Variants in COL5A1 observed in about 807,000 individuals in gnomAD.
The protein encoded by COL5A1 is collagen type V alpha 1 chain.
Under a neutral mutation model 263.7 loss-of-function variants are expected in COL5A1, and 16 were observed. The observed-to-expected ratio is 0.06, with a 90% CI of 0.04 to 0.09. The LOEUF (loss-of-function observed/expected upper bound fraction) is 0.09. COL5A1 is among the 10% of genes least tolerant of loss of function. The pLI is 1.00. For missense variants in COL5A1, 2,036 were observed against 2,540.5 expected (o/e 0.80, Z 4.27); for synonymous variants, 1,012 against 1,004.5 (o/e 1.01, Z -0.14).
chr9:134,671,468 C>T (rs1004580331), intron 1 of COL5A1, among the ~76,000 whole-genome samples: 12 of 152,286 alleles, frequency 7.9e-5, no homozygotes, highest in African/African-American at 2.4e-4. Context: ...TGCCTCTGGT[C>T]CCGGGGAAGT....
Position 134,663,926 on chromosome 9 carries a change from C to T in COL5A1, c.109+21630C>T, listed in dbSNP as rs7872779. ...GGCGGGTCACCAGAGCTGCCACCACCGGAGGGTGCTAGAGGCCTTCTTGGG... is the reference window on the plus strand; with the variant it reads ...GGCGGGTCACCAGAGCTGCCACCACTGGAGGGTGCTAGAGGCCTTCTTGGG... On this transcript the variant is annotated intron_variant, in intron 1 of 65. Transcript: ENST00000371817. 4.6e-3 allele frequency among the ~76,000 whole-genome samples: 703 copies of T among 152,296 alleles called. 4 individuals are homozygous for T. The highest frequency in any genetic ancestry group is 0.015 in the African/African-American group (640 of 41,564).
Position 134,815,959 on chromosome 9 carries a change from A to G in COL5A1, c.4093A>G (p.Lys1365Glu). 6.2e-7 allele frequency: 1 copy of G among 1,614,126 alleles called. No individual in the cohort carries two copies. The highest frequency in any genetic ancestry group is 1.1e-5 in the South Asian group (1 of 91,080). Residue 1365 changes from lysine to glutamate, a missense_variant, in exon 52 of 66, where the codon AAA (lysine) becomes GAA (glutamate). This residue lies in a region of COL5A1 where 1,078 missense variants were observed against 1,521.4 expected (regional missense o/e 0.71). Transcript: ENST00000371817. ...GGGTCAAGATGGTCCCCCTGGTGAC[A>G]AAGGAGATGATGGTGAACCCGGGCA... is the stretch of plus-strand genomic sequence containing the variant. ...PAGQDGPPGD[K>E]GDDGEPGQTG...
Position 134,806,254 on chromosome 9 carries a change from G to A in COL5A1, c.3324G>A (p.Gly1108=), listed in dbSNP as rs1351843367. The change falls in exon 42 of 66, where the codon GGG becomes GGA. Residue 1108 remains glycine, a synonymous_variant. Coordinates refer to ENST00000371817, the MANE Select transcript of COL5A1 (RefSeq NM_000093.5). ...CCATCGGAATTCCAGGGAGACCTGG[G>A]CCCCAGGGACCCCCAGGGCCGGCAG... ...AGPIGIPGRP[G]PQGPPGPAGE... 1.9e-6 allele frequency: 3 copies of A among 1,550,146 alleles called. No individual in the cohort carries two copies. In the African/African-American group the frequency reaches 4.1e-5, roughly 21 times the overall value.
At chr9:134,724,036 C>T (rs939392145) in intron 4 of COL5A1, among the ~76,000 whole-genome samples, 7 of 152,106 alleles carry the variant, frequency 4.6e-5, no homozygotes, top group African/African-American at 1.7e-4. Flanking sequence ...GCCCCTGCCT[C>T]GCACCACTCC....
intron 26 of COL5A1, among the ~76,000 whole-genome samples, chr9:134,773,745 G>A (rs1045608099): frequency 2.6e-5 from 4 of 152,198 alleles, no homozygotes; most frequent in African/African-American, 9.6e-5. Context: ...AGTCCTCACA[G>A]GGAGTTCAAT....
chr9:134,684,339 A>G (rs1832947729), intron 1 of COL5A1, among the ~76,000 whole-genome samples: 2 of 152,112 alleles, frequency 1.3e-5, no homozygotes, highest in Admixed American at 1.3e-4. Context: ...TCTCGGGGGG[A>G]AACAGAGCGT....
intron 1 of COL5A1, among the ~76,000 whole-genome samples, chr9:134,645,703 T>G (rs2132461993): frequency 6.6e-6 from 1 of 152,336 alleles, no homozygotes; most frequent in East Asian, 1.9e-4. Context: ...GGCAGATGTC[T>G]TCCATTCCTG....
chr9:134,760,169 A>G (rs1445666481), intron 18 of COL5A1, among the ~76,000 whole-genome samples: 1 of 118,752 alleles, frequency 8.4e-6, no homozygotes, highest in Non-Finnish European at 1.7e-5. Context: ...ACACACATAC[A>G]TGCACACACA....
At chr9:134,793,130 C>T (rs1159413093) in intron 32 of COL5A1, among the ~76,000 whole-genome samples, 3 of 151,952 alleles carry the variant, frequency 2.0e-5, no homozygotes, top group African/African-American at 4.8e-5. Flanking sequence ...GTCGCTTTGC[C>T]CCTCGGGCCT....
Position 134,767,057 on chromosome 9 carries a change from A to G in COL5A1, c.2187+4A>G, listed in dbSNP as rs919497204. On this transcript the variant is annotated splice_donor_region_variant and intron_variant, in intron 23 of 65. Transcript: ENST00000371817. ...GCAGGGTAATCCAGGCGCCCAGGTA[A>G]GTGAGCCTGAGAGAGGCAGCTCGCA... 1 of 1,613,060 alleles carries G rather than the reference A, an allele frequency of 6.2e-7. No homozygotes were observed. Among genetic ancestry groups the G allele is most frequent in the Admixed American group, 1.7e-5 (1 of 59,930 alleles).
chr9:134,816,767 G>A (rs539585091), intron 52 of COL5A1, among the ~76,000 whole-genome samples: 3 of 152,364 alleles, frequency 2.0e-5, no homozygotes, highest in Admixed American at 6.5e-5. Flanking sequence ...CCGTCATTGT[G>A]TATCAAGAGT....
chr9:134,744,527 A>G (rs1340062091), intron 11 of COL5A1, among the ~76,000 whole-genome samples: 1 of 150,758 alleles, frequency 6.6e-6, no homozygotes, highest in Non-Finnish European at 1.5e-5. Context: ...ACCCCCATAC[A>G]TGCACACTCA....
At chr9:134,744,280 CGCTT>C (rs754366793) in intron 11 of COL5A1, among the ~76,000 whole-genome samples, 1 of 152,262 alleles carries the variant, frequency 6.6e-6, no homozygotes, top group South Asian at 2.1e-4. Flanking sequence ...CAAGCACACA[CGCTT>C]GCACACTCAC....
intron 28 of COL5A1, among the ~76,000 whole-genome samples, chr9:134,782,096 A>G (rs527437957): frequency 6.6e-6 from 1 of 152,312 alleles, no homozygotes; most frequent in East Asian, 1.9e-4. Context: ...AGCAGGGGGC[A>G]CTGACGCGCG....
chr9:134,784,963 C>T (rs764572704), intron 29 of COL5A1, 26 bp from the exon 30 acceptor site: 3 of 1,472,310 alleles, frequency 2.0e-6, no homozygotes, highest in Non-Finnish European at 2.8e-6. Flanking sequence ...GGGTGGTCTT[C>T]TCACCTCCTC....
intron 1 of COL5A1, among the ~76,000 whole-genome samples, chr9:134,689,758 G>T (rs1331257336): frequency 1.3e-5 from 2 of 152,226 alleles, no homozygotes; most frequent in Admixed American, 6.5e-5. Context: ...AGCAGAGGGG[G>T]CACGGCCAAC....
At chr9:134,648,302 ATAAT>A (rs141701668) in intron 1 of COL5A1, among the ~76,000 whole-genome samples, 18,663 of 140,090 alleles carry the variant, frequency 0.13, 1,309 homozygotes, top group South Asian at 0.18. Context: ...ATATATATAT[ATAAT>A]ATATATATAT....
At chr9:134,719,860 A>G (rs1328953977) in intron 4 of COL5A1, among the ~76,000 whole-genome samples, 1 of 152,226 alleles carries the variant, frequency 6.6e-6, no homozygotes, top group Non-Finnish European at 1.5e-5. Context: ...GATGTGTGCC[A>G]TGAAACCTGG....
At chr9:134,674,513 AGTGT>A (rs146232546) in intron 1 of COL5A1, among the ~76,000 whole-genome samples, 1 of 151,884 alleles carries the variant, frequency 6.6e-6, no homozygotes, top group East Asian at 1.9e-4. Flanking sequence ...GTATCTTGAT[AGTGT>A]GTGTGTGTGT....
Sources: allele counts gnomAD v4.1 joint callset (sites outside exome capture counted in the v4.1 genomes callset), GRCh38; gene constraint gnomAD v4.1.1; regional missense constraint gnomAD v4.1.1; transcripts MANE v1.5; gene names NCBI Gene and HGNC (gene_info 2026-07-23, HGNC 2026-07-21).